Variants in CLCN1 observed in about 807,000 individuals in gnomAD.
CLCN1 encodes the protein chloride channel protein 1.
A neutral mutation model predicts 114.5 loss-of-function variants in CLCN1; 100 were observed. The ratio of observed to expected loss-of-function variants is 0.87; its 90% CI spans 0.74 to 1.03. The LOEUF is 1.03. Among genes scored for constraint, CLCN1 ranks in the 50% least tolerant of loss-of-function variants. CLCN1 has a pLI of 0.00. For missense variants in CLCN1, 1,188 were observed against 1,250.0 expected, an observed-to-expected ratio of 0.95 and a Z score of 0.75; for synonymous variants, 485 against 487.1, an observed-to-expected ratio of 1.00 and a Z score of 0.06.
At position 143,331,583 on chromosome 7, in the gene CLCN1, T is replaced by C. The variant is rs1085307989; in HGVS notation, c.1097T>C (p.Val366Ala). 5 of 1,614,130 alleles carry C rather than the reference T, an allele frequency of 3.1e-6. No homozygotes were observed. Among genetic ancestry groups the C allele is most frequent in the Non-Finnish European group, 4.2e-6 (5 of 1,179,970 alleles). Reference protein sequence around the residue: ...ICCGLLGAVFVYLHRQVMLGV... With the variant: ...ICCGLLGAVFAYLHRQVMLGV... ...TGTGGGCTCCTGGGAGCTGTATTTG[T>C]GTATCTGCATCGCCAAGTCATGCTC... The change falls in exon 10 of 23, where the codon GTG (valine) becomes GCG (alanine). Residue 366 changes from valine to alanine, a missense_variant. Val to Ala is a moderately conservative substitution (Grantham distance 64). Transcript: ENST00000343257.
intron 12 of CLCN1, among the ~76,000 whole-genome samples, chr7:143,334,454 A>G (rs942973533): frequency 7.9e-5 from 12 of 152,198 alleles, no homozygotes; most frequent in African/African-American, 1.9e-4. Flanking sequence ...TTATATTGCA[A>G]TAGCTACAGT....
At chr7:143,326,983 C>T (rs1233537109) in intron 7 of CLCN1, among the ~76,000 whole-genome samples, 1 of 152,138 alleles carries the variant, frequency 6.6e-6, no homozygotes, top group Non-Finnish European at 1.5e-5. Context: ...CACAGTGGCT[C>T]ATGCCCATAA....
rs999331259 is a variant in CLCN1 at position 143,337,264 on chromosome 7, A to G, written c.1402-1989A>G. The stretch of plus-strand genomic sequence containing the variant: ...ACTCACCTAGCTACACCCTTCCTAC[A>G]TTTACTGAGCACTGTGCCAGTGCAG... On this transcript the variant is annotated intron_variant, in intron 12 of 22. Coordinates refer to ENST00000343257, the MANE Select transcript of CLCN1 (RefSeq NM_000083.3). Among the ~76,000 whole-genome samples, 3 of 152,202 alleles carry G rather than the reference A, an allele frequency of 2.0e-5. No individual in the cohort carries two copies. The East Asian group carries it at 5.8e-4, about 29-fold the overall frequency.
In CLCN1 at chr7:143,319,627, G is replaced by A. The variant is rs1802372779; in HGVS notation, c.181-128G>A. On this transcript the variant is annotated intron_variant, in intron 1 of 22. Transcript: ENST00000343257. ...GCAGGGATGACCACAAAGTCACCCTGCATGCAGTCAACACCCAGAATTCAA... is the reference window on the plus strand; with the variant it reads ...GCAGGGATGACCACAAAGTCACCCTACATGCAGTCAACACCCAGAATTCAA... 4.3e-6 allele frequency: 4 copies of A among 932,934 alleles called. No homozygotes were observed. The South Asian group carries it at 5.2e-5, about 12-fold the overall frequency. 57.8% of individuals were successfully genotyped at this position (932,934 alleles called of 1,614,324 possible).
At chr7:143,337,198 G>T (rs1802926853) in intron 12 of CLCN1, among the ~76,000 whole-genome samples, 1 of 152,118 alleles carries the variant, frequency 6.6e-6, no homozygotes, top group Admixed American at 6.5e-5. Flanking sequence ...AATACTATTT[G>T]TTCAGCCCAT....
In CLCN1 at chr7:143,321,040, C is replaced by T. The variant is rs1283482280; in HGVS notation, c.433+245C>T. 6.6e-6 allele frequency among the ~76,000 whole-genome samples: 1 copy of T among 152,140 alleles called. No individual in the cohort carries two copies. The highest frequency in any genetic ancestry group is 1.5e-5 in the Non-Finnish European group (1 of 68,024). ...CCCTCTAATAGGGTGGCCAACTTGCCCCAGTTCCCCAGGGACTTTCCCAGT... is the reference window on the plus strand; with the variant it reads ...CCCTCTAATAGGGTGGCCAACTTGCTCCAGTTCCCCAGGGACTTTCCCAGT... On this transcript the variant is annotated intron_variant, in intron 3 of 22. Transcript: ENST00000343257. The surrounding 1 kb of genome is among the most constrained non-coding windows in gnomAD (Gnocchi z 4.2).
At chr7:143,341,603 AAAT>A (rs1301839612) in intron 14 of CLCN1, among the ~76,000 whole-genome samples, 3 of 149,816 alleles carry the variant, frequency 2.0e-5, no homozygotes, top group Non-Finnish European at 4.4e-5. Flanking sequence ...TAATTTTAAA[AAAT>A]AATAAAATAA....
At chr7:143,318,767 G>A (rs1802353580) in intron 1 of CLCN1, among the ~76,000 whole-genome samples, 1 of 152,204 alleles carries the variant, frequency 6.6e-6, no homozygotes, top group African/African-American at 2.4e-5. Context: ...TGGGAAGTAT[G>A]TTCTCTCTCT....
intron 20 of CLCN1, among the ~76,000 whole-genome samples, chr7:143,349,029 A>G (rs1382901851): frequency 1.3e-5 from 2 of 152,236 alleles, no homozygotes; most frequent in African/African-American, 2.4e-5. Flanking sequence ...GGGTAAGTCA[A>G]TTAGAATAAT....
rs1452076091 is a variant in CLCN1 at position 143,345,509 on chromosome 7, G to T, written c.1931-12G>T. ...GGAGGGGGCGCTCAGGCAGGGCGTG[G>T]GTTTCCCTCAGATTCAATGATCCTG... is the stretch of plus-strand genomic sequence containing the variant. On this transcript the variant is annotated splice_polypyrimidine_tract_variant and intron_variant, in intron 16 of 22. Coordinates refer to ENST00000343257, the MANE Select transcript of CLCN1 (RefSeq NM_000083.3). 2 of 1,528,046 alleles carry T rather than the reference G, an allele frequency of 1.3e-6. No homozygotes were observed. The allele number at this position is 1,528,046 out of a possible 1,614,324, so 94.7% of individuals were successfully genotyped here. A position where few individuals can be genotyped will look rare whatever the true frequency, so the allele number is the denominator to read the frequency against.
chr7:143,350,448 A>C lies in CLCN1; in HGVS notation c.2480A>C (p.Gln827Pro). 6.2e-7 allele frequency: 1 copy of C among 1,614,092 alleles called. No homozygotes were observed. Among genetic ancestry groups the C allele is most frequent in the Non-Finnish European group, 8.5e-7 (1 of 1,179,964 alleles). The change falls in exon 21 of 23, where the codon CAG becomes CCG. Residue 827 changes from glutamine (Q) to proline (P), a missense_variant. By Grantham distance (76) the Gln-to-Pro change is moderately conservative. Transcript: ENST00000343257. This position sits in a 1 kb window ranked among gnomAD's most constrained non-coding sequence, Gnocchi z 5.1. ...TGCTGTATTGACCAGTCTCCCTTCC[A>C]GCTGGTGGAGCAGACAACCCTGCAC... The part of the protein sequence containing the change: ...DSCCIDQSPF[Q>P]LVEQTTLHKT...
chr7:143,341,692 GA>G (rs1276602482), intron 14 of CLCN1, among the ~76,000 whole-genome samples: 3 of 152,096 alleles, frequency 2.0e-5, no homozygotes, highest in African/African-American at 7.2e-5. Flanking sequence ...TATTATAAAT[GA>G]AAATTTTGGC....
At chr7:143,323,172 G>A (rs1802485492) in intron 5 of CLCN1, 137 bp from the exon 6 acceptor site, 3 of 682,258 alleles carry the variant, frequency 4.4e-6, no homozygotes, top group Non-Finnish European at 8.0e-6. Flanking sequence ...GGCCTCGTGA[G>A]GGCAGGACCT....
At chr7:143,319,607 G>A in intron 1 of CLCN1, 148 bp from the exon 2 acceptor site, 1 of 810,584 alleles carries the variant, frequency 1.2e-6, no homozygotes. Context: ...AGAGGGCAGG[G>A]ATGACCACAA....
At chr7:143,349,595 T>G (rs1026929883) in intron 20 of CLCN1, among the ~76,000 whole-genome samples, 4 of 152,246 alleles carry the variant, frequency 2.6e-5, no homozygotes, top group African/African-American at 9.6e-5. Flanking sequence ...TTGGCCTTTG[T>G]GCCTTAATGC....
chr7:143,338,802 A>AAAAAG, intron 12 of CLCN1, among the ~76,000 whole-genome samples: 1 of 147,100 alleles, frequency 6.8e-6, no homozygotes. Flanking sequence ...TCAAAAAAAA[A>AAAAAG]AAAAAAGAAA....
chr7:143,320,550 C>CTT, intron 2 of CLCN1, 114 bp from the exon 3 acceptor site: 2 of 844,508 alleles, frequency 2.4e-6, no homozygotes, highest in East Asian at 2.9e-5. Flanking sequence ...TCGTTAGCTG[C>CTT]TTTTCTCTCT....
intron 12 of CLCN1, among the ~76,000 whole-genome samples, chr7:143,335,461 C>T (rs1802849669): frequency 6.6e-6 from 1 of 152,152 alleles, no homozygotes; most frequent in Non-Finnish European, 1.5e-5. Context: ...CCCTGGTTAT[C>T]ACCACTTCCC....
chr7:143,347,981 T>C lies in CLCN1; in HGVS notation c.2403+1032T>C, dbSNP rs114350753. On this transcript the variant is annotated intron_variant, in intron 20 of 22. Coordinates refer to ENST00000343257, the MANE Select transcript of CLCN1 (RefSeq NM_000083.3). ...GAAAAATCCATTGGCAACTATTCCA[T>C]ATGGTAAAAGAATGCAGAGTTTGCT... Among the ~76,000 whole-genome samples, 448 of 152,232 alleles carry C rather than the reference T, an allele frequency of 2.9e-3. 2 individuals carry two copies. Among genetic ancestry groups the C allele is most frequent in the Middle Eastern group, 0.01 (3 of 294 alleles).
Sources: allele counts gnomAD v4.1 joint callset (sites outside exome capture counted in the v4.1 genomes callset), GRCh38; gene constraint gnomAD v4.1.1; non-coding constraint Gnocchi (gnomAD v3.1); transcripts MANE v1.5; gene names NCBI Gene and HGNC (gene_info 2026-07-23, HGNC 2026-07-21).